The following PCDH11X variants were observed in gnomAD, a reference collection of about 807,000 sequenced individuals.
PCDH11X encodes protocadherin 11 X-linked.
In PCDH11X, 18 loss-of-function variants were observed where a neutral mutation model predicts 53.3. The observed-to-expected ratio is 0.34, with a 90% CI of 0.23 to 0.50. The LOEUF is 0.50. PCDH11X is among the 20% of genes least tolerant of loss of function. The probability of loss-of-function intolerance (pLI) is 0.98; values close to 1 mark genes in which losing one functional copy is unlikely to be tolerated. For synonymous variants in PCDH11X, 279 were observed against 393.3 expected, an observed-to-expected ratio of 0.71 and a Z score of 3.44; for missense variants, 570 against 1,032.4, an observed-to-expected ratio of 0.55 and a Z score of 6.14.
chrX:91,953,255 T>C (rs1273829155), intron 6 of PCDH11X, among the ~76,000 whole-genome samples: 1 of 110,750 alleles, frequency 9.0e-6, no homozygotes, highest in Non-Finnish European at 1.9e-5. Context: ...CACCATGATG[T>C]CATCATTTTA....
intron 8 of PCDH11X, among the ~76,000 whole-genome samples, chrX:92,293,896 G>A (rs1334276891): frequency 9.3e-6 from 1 of 107,839 alleles, no homozygotes; most frequent in African/African-American, 3.5e-5. Flanking sequence ...ACCCTAGATG[G>A]GATCCTGGGT....
In PCDH11X at chrX:92,529,067, A is replaced by G. The variant is rs140549858; in HGVS notation, c.3367+60745A>G. On this transcript the variant is annotated intron_variant, in intron 10 of 10. Transcript: ENST00000682573. ...TTAATGCACCACTTTATCCTGAAGC[A>G]TTATATTTCACACTGTGGAAAGTTG... Among the ~76,000 whole-genome samples the G allele has an allele frequency of 1.5e-3, 164 of 111,773 alleles. 1 individual carries two copies. Among genetic ancestry groups the G allele is most frequent in the African/African-American group, 5.1e-3 (158 of 30,787 alleles).
intron 5 of PCDH11X, among the ~76,000 whole-genome samples, chrX:91,845,430 C>A (rs896641816): frequency 2.8e-5 from 3 of 107,866 alleles, no homozygotes; most frequent in African/African-American, 7.0e-5. Flanking sequence ...TCAAATGCAT[C>A]ATTTTCCTAG....
rs191203488 is a variant in PCDH11X at position 92,446,799 on chromosome X, A to T, written c.3344-21500A>T. On this transcript the variant is annotated intron_variant, in intron 9 of 10. Coordinates refer to ENST00000682573, the MANE Select transcript of PCDH11X (RefSeq NM_032968.5). Reference sequence around the variant, plus strand: ...CTGGGTAACAAGCAGGGGTTGGAACAGTTGGAGGGCTCAGAAGAAGATAGG... The same window carrying T: ...CTGGGTAACAAGCAGGGGTTGGAACTGTTGGAGGGCTCAGAAGAAGATAGG... Among the ~76,000 whole-genome samples the T allele has an allele frequency of 8.1e-5, 9 of 111,595 alleles. No individual in the cohort carries two copies. In the East Asian group the frequency reaches 2.5e-3, roughly 32 times the overall value.
chrX:91,815,956 C>T (rs1215331260), intron 4 of PCDH11X, among the ~76,000 whole-genome samples: 8 of 108,770 alleles, frequency 7.4e-5, no homozygotes, highest in East Asian at 2.9e-4. Context: ...GGTGAAGCCC[C>T]GTCTCTACCA....
At chrX:92,610,637 G>C (rs1042179534) in intron 10 of PCDH11X, among the ~76,000 whole-genome samples, 4 of 111,117 alleles carry the variant, frequency 3.6e-5, no homozygotes, top group Non-Finnish European at 7.6e-5. Flanking sequence ...TGTTGCAATT[G>C]CTTTTAAGGA....
rs1012470704 is a variant in PCDH11X at position 91,906,787 on chromosome X, A to T, written c.3033+27514A>T. Reference sequence around the variant, plus strand: ...GGCACTCAGGAAAATTAATTACTTAATTAATTAATTATGGTCGTATGAACT... The same window carrying T: ...GGCACTCAGGAAAATTAATTACTTATTTAATTAATTATGGTCGTATGAACT... On this transcript the variant is annotated intron_variant, in intron 6 of 10. Transcript: ENST00000682573. Among the ~76,000 whole-genome samples, 5 of 111,646 alleles carry T rather than the reference A, an allele frequency of 4.5e-5. No individual in the cohort carries two copies. The South Asian group carries it at 1.5e-3, about 34-fold the overall frequency.
chrX:92,253,595 G>C (rs1224384478), intron 7 of PCDH11X, among the ~76,000 whole-genome samples: 1 of 111,237 alleles, frequency 9.0e-6, no homozygotes, highest in Non-Finnish European at 1.9e-5. Context: ...TCTAATTTTT[G>C]GTGTCCTCTT....
chrX:91,922,966 C>T (rs1366120358), intron 6 of PCDH11X, among the ~76,000 whole-genome samples: 1 of 111,261 alleles, frequency 9.0e-6, no homozygotes, highest in Admixed American at 9.5e-5. Context: ...AAAAGAACAG[C>T]TTCTGGAGAT....
intron 6 of PCDH11X, among the ~76,000 whole-genome samples, chrX:92,112,928 C>T (rs189212143): frequency 9.1e-6 from 1 of 109,410 alleles, no homozygotes; most frequent in African/African-American, 3.5e-5. Context: ...ATTTAAAACA[C>T]TTAGTTTATT....
At chrX:92,103,528 GAGTC>G (rs2148141102) in intron 6 of PCDH11X, among the ~76,000 whole-genome samples, 1 of 111,664 alleles carries the variant, frequency 9.0e-6, no homozygotes, top group South Asian at 3.8e-4. Context: ...AGCCAAGAAG[GAGTC>G]AGTCAGAGAG....
At chrX:92,201,821 G>T (rs748213094) in intron 7 of PCDH11X, among the ~76,000 whole-genome samples, 2 of 111,723 alleles carry the variant, frequency 1.8e-5, no homozygotes, top group South Asian at 7.5e-4. Flanking sequence ...AGCATAATTT[G>T]CTTTTTATGT....
intron 10 of PCDH11X, among the ~76,000 whole-genome samples, chrX:92,521,349 C>T (rs887052554): frequency 1.8e-5 from 2 of 111,748 alleles, no homozygotes; most frequent in Non-Finnish European, 3.8e-5. Flanking sequence ...TCCATTAGAG[C>T]TCTTGACTGA....
At chrX:92,346,718 T>C (rs1056400624) in intron 8 of PCDH11X, among the ~76,000 whole-genome samples, 11 of 112,094 alleles carry the variant, frequency 9.8e-5, no homozygotes, top group Non-Finnish European at 1.9e-4. Context: ...CAATAATTCA[T>C]TCTAGTCAAA....
At chrX:92,617,101 C>A (rs1928056675) in intron 10 of PCDH11X, among the ~76,000 whole-genome samples, 1 of 111,248 alleles carries the variant, frequency 9.0e-6, no homozygotes, top group African/African-American at 3.3e-5. Flanking sequence ...GTCAACCTTA[C>A]TGTTTCTGAT....
intron 8 of PCDH11X, among the ~76,000 whole-genome samples, chrX:92,335,022 C>T (rs986122701): frequency 9.1e-6 from 1 of 109,599 alleles, no homozygotes; most frequent in Non-Finnish European, 1.9e-5. Context: ...CAAGGGTCAA[C>T]TGTATATTGC....
At chrX:92,029,847 A>T (rs1346901202) in intron 6 of PCDH11X, among the ~76,000 whole-genome samples, 1 of 112,468 alleles carries the variant, frequency 8.9e-6, no homozygotes, top group Non-Finnish European at 1.9e-5. Flanking sequence ...CCTATTACAT[A>T]AAGAGAAATA....
intron 1 of PCDH11X, among the ~76,000 whole-genome samples, chrX:91,793,881 T>C (rs1293234704): frequency 9.0e-6 from 1 of 111,712 alleles, no homozygotes; most frequent in African/African-American, 3.2e-5. Flanking sequence ...TCTGTAATAG[T>C]AGTTAACCAT....
At chrX:92,327,408 T>G (rs1390392435) in intron 8 of PCDH11X, among the ~76,000 whole-genome samples, 2 of 97,198 alleles carry the variant, frequency 2.1e-5, no homozygotes, top group African/African-American at 7.8e-5. Context: ...TCTAGTTGAT[T>G]GCATACTGAG....
Sources: gnomAD v4.1 joint callset for allele counts (sites outside exome capture counted in the v4.1 genomes callset) on GRCh38, gnomAD v4.1.1 for gene constraint, MANE v1.5 for transcripts, NCBI Gene and HGNC (gene_info 2026-07-23, HGNC 2026-07-21) for gene names.